The following CCDC172 variants were observed in gnomAD, a reference collection of about 807,000 sequenced individuals.
The protein encoded by CCDC172 is coiled-coil domain-containing protein 172.
Under a neutral mutation model 38.0 loss-of-function variants are expected in CCDC172, and 30 were observed. That is an observed-to-expected ratio of 0.79 (90% CI 0.59 to 1.07). CCDC172 has a LOEUF of 1.07. Ranked by LOEUF, CCDC172 falls within the 50% of genes least tolerant of loss-of-function variation. CCDC172 has a pLI of 0.00. For missense variants in CCDC172, 297 were observed against 290.1 expected (o/e 1.02, Z -0.17); for synonymous variants, 78 against 88.3 (o/e 0.88, Z 0.66).
chr10:116,346,291 C>CAAAAAAAAA, intron 5 of CCDC172, among the ~76,000 whole-genome samples: 1 of 80,010 alleles, frequency 1.2e-5, no homozygotes, highest in Non-Finnish European at 2.6e-5. Flanking sequence ...GACTTCGTCT[C>CAAAAAAAAA]AAAAAAAAAA....
intron 6 of CCDC172, 129 bp downstream of exon 6, chr10:116,357,610 TAG>T: frequency 4.5e-6 from 4 of 879,120 alleles, no homozygotes; most frequent in Non-Finnish European, 6.5e-6. Flanking sequence ...AAAAAAGAAA[TAG>T]ATAAAACACT....
intron 7 of CCDC172, among the ~76,000 whole-genome samples, chr10:116,365,923 T>A (rs1845117924): frequency 6.6e-6 from 1 of 152,146 alleles, no homozygotes; most frequent in Non-Finnish European, 1.5e-5. Context: ...CCCTATAGCC[T>A]AGGTGTCTGG....
At chr10:116,359,112 T>A (rs1845034694) in intron 7 of CCDC172, among the ~76,000 whole-genome samples, 1 of 152,236 alleles carries the variant, frequency 6.6e-6, no homozygotes, top group Non-Finnish European at 1.5e-5. Flanking sequence ...TTTCATTCAT[T>A]GATATGTGTA....
At chr10:116,328,838 T>C (rs1336120543) in intron 3 of CCDC172, among the ~76,000 whole-genome samples, 2 of 152,122 alleles carry the variant, frequency 1.3e-5, no homozygotes, top group African/African-American at 2.4e-5. Context: ...TATTACCTAA[T>C]TGGAGAAAGA....
intron 7 of CCDC172, among the ~76,000 whole-genome samples, chr10:116,362,013 C>A (rs1008040182): frequency 6.6e-6 from 1 of 152,028 alleles, no homozygotes; most frequent in Non-Finnish European, 1.5e-5. Context: ...ATGGTGAAAC[C>A]CCGTCTCTAC....
chr10:116,333,677 C>A (rs1256171146), intron 3 of CCDC172, among the ~76,000 whole-genome samples: 1 of 152,152 alleles, frequency 6.6e-6, no homozygotes, highest in African/African-American at 2.4e-5. Context: ...ACAAGATGTT[C>A]TTGACCGGTC....
chr10:116,339,418 G>GTTTC (rs956090998), intron 3 of CCDC172, among the ~76,000 whole-genome samples: 35 of 151,886 alleles, frequency 2.3e-4, no homozygotes, highest in African/African-American at 8.0e-4. Flanking sequence ...TCATACCCTA[G>GTTTC]TTTCCCCTTG....
chr10:116,363,874 T>C (rs1335861324), intron 7 of CCDC172, among the ~76,000 whole-genome samples: 1 of 150,210 alleles, frequency 6.7e-6, no homozygotes, highest in Non-Finnish European at 1.5e-5. Context: ...GAGGTTGCAA[T>C]GAGCCGAGAT....
chr10:116,330,120 T>G (rs1005552031), intron 3 of CCDC172, among the ~76,000 whole-genome samples: 1 of 152,228 alleles, frequency 6.6e-6, no homozygotes, highest in African/African-American at 2.4e-5. Flanking sequence ...CAAAATTTTC[T>G]GAAAAATAAA....
chr10:116,348,165 C>T (rs1049569058), intron 5 of CCDC172, among the ~76,000 whole-genome samples: 6 of 151,410 alleles, frequency 4.0e-5, no homozygotes, highest in Non-Finnish European at 8.8e-5. Flanking sequence ...ACCTATGAAA[C>T]GGTTTGTGGC....
intron 7 of CCDC172, among the ~76,000 whole-genome samples, chr10:116,369,080 T>A (rs1285583735): frequency 6.6e-6 from 1 of 152,080 alleles, no homozygotes; most frequent in Non-Finnish European, 1.5e-5. Context: ...TGAGGGTGAA[T>A]AGACTATTGT....
intron 7 of CCDC172, among the ~76,000 whole-genome samples, chr10:116,369,942 A>G (rs948036691): frequency 6.6e-6 from 1 of 151,772 alleles, no homozygotes; most frequent in Admixed American, 6.6e-5. Flanking sequence ...TATATTTGCA[A>G]CTCTTCATTA....
At chr10:116,327,286 T>C (rs1370631645) in intron 3 of CCDC172, among the ~76,000 whole-genome samples, 2 of 150,888 alleles carry the variant, frequency 1.3e-5, no homozygotes, top group Non-Finnish European at 2.9e-5. Flanking sequence ...TTAAGCTCAC[T>C]TTAAACATTT....
intron 5 of CCDC172, among the ~76,000 whole-genome samples, chr10:116,344,298 T>C (rs1175909671): frequency 6.6e-6 from 1 of 152,214 alleles, no homozygotes; most frequent in African/African-American, 2.4e-5. Flanking sequence ...TACACAAACC[T>C]GGATGGGATA....
chr10:116,345,912 G>A (rs1045517029), intron 5 of CCDC172, among the ~76,000 whole-genome samples: 2 of 152,036 alleles, frequency 1.3e-5, no homozygotes, highest in Non-Finnish European at 2.9e-5. Flanking sequence ...CAAGCTAAAT[G>A]TACATTTACC....
At chr10:116,354,614 C>A (rs1255970851) in intron 5 of CCDC172, among the ~76,000 whole-genome samples, 1 of 152,152 alleles carries the variant, frequency 6.6e-6, no homozygotes, top group Non-Finnish European at 1.5e-5. Flanking sequence ...GTCCCAGCTA[C>A]TTGGGAGGCT....
intron 7 of CCDC172, among the ~76,000 whole-genome samples, chr10:116,377,698 C>G (rs76192614): frequency 0.017 from 2,546 of 151,556 alleles, 79 homozygotes; most frequent in African/African-American, 0.059. Context: ...ACTTTTAGAT[C>G]AAGAAGAGAG....
intron 3 of CCDC172, among the ~76,000 whole-genome samples, chr10:116,326,563 G>C (rs1261732578): frequency 6.6e-6 from 1 of 152,020 alleles, no homozygotes; most frequent in African/African-American, 2.4e-5. Context: ...TTCTTTCCAG[G>C]TGTTGCTCAA....
intron 7 of CCDC172, among the ~76,000 whole-genome samples, chr10:116,362,155 C>G (rs184172504): frequency 4.3e-4 from 65 of 152,280 alleles, no homozygotes; most frequent in Middle Eastern, 3.4e-3. Context: ...GCTTTTCATA[C>G]CCTTGCTCTG....
Sources: gnomAD v4.1 joint callset for allele counts (sites outside exome capture counted in the v4.1 genomes callset) on GRCh38, gnomAD v4.1.1 for gene constraint, MANE v1.5 for transcripts, NCBI Gene and HGNC (gene_info 2026-07-23, HGNC 2026-07-21) for gene names.